Variants in UVRAG observed in about 807,000 individuals in gnomAD.
UVRAG encodes the protein UV radiation resistance-associated gene protein.
UVRAG carries 19 observed loss-of-function variants against 78.0 expected under a neutral mutation model. The observed-to-expected ratio is 0.24, with a 90% CI of 0.17 to 0.36. UVRAG has a LOEUF of 0.36. Among genes scored for constraint, UVRAG ranks in the 10% least tolerant of loss-of-function variants. The probability of loss-of-function intolerance (pLI) is 1.00; values close to 1 mark genes in which losing one functional copy is unlikely to be tolerated. For missense variants in UVRAG, 740 were observed against 853.8 expected, an observed-to-expected ratio of 0.87 and a Z score of 1.66; for synonymous variants, 323 against 324.6, an observed-to-expected ratio of 1.00 and a Z score of 0.05.
intron 7 of UVRAG, among the ~76,000 whole-genome samples, chr11:75,980,343 A>G (rs1431070014): frequency 6.6e-6 from 1 of 151,754 alleles, no homozygotes; most frequent in Non-Finnish European, 1.5e-5. Flanking sequence ...GTTATTTTTT[A>G]TTTTTATGGA....
At chr11:76,034,745 C>T (rs1950500290) in intron 12 of UVRAG, among the ~76,000 whole-genome samples, 1 of 152,070 alleles carries the variant, frequency 6.6e-6, no homozygotes, top group East Asian at 1.9e-4. Flanking sequence ...ATTTTGAGTG[C>T]TATTCATTTA....
At chr11:76,016,777 A>G (rs765187001) in intron 11 of UVRAG, 38 bp from the exon 12 acceptor site, 21 of 1,535,228 alleles carry the variant, frequency 1.4e-5, no homozygotes, top group Non-Finnish European at 1.7e-5. Flanking sequence ...TTATAAGGTA[A>G]ATAGTTATTT....
chr11:75,858,337 C>G (rs1354789189), intron 2 of UVRAG, among the ~76,000 whole-genome samples: 1 of 152,160 alleles, frequency 6.6e-6, no homozygotes, highest in East Asian at 1.9e-4. Flanking sequence ...ATTCCTTTCT[C>G]TCCTCTTTTT....
intron 12 of UVRAG, among the ~76,000 whole-genome samples, chr11:76,063,402 T>C (rs540197054): frequency 1.2e-4 from 19 of 152,330 alleles, no homozygotes; most frequent in South Asian, 1.2e-3. Context: ...TCTGCAGTTC[T>C]CCCCACTAAC....
At chr11:75,956,805 G>T (rs946808157) in intron 6 of UVRAG, among the ~76,000 whole-genome samples, 6 of 152,072 alleles carry the variant, frequency 3.9e-5, no homozygotes, top group African/African-American at 1.4e-4. Flanking sequence ...ACCTCATTAT[G>T]ATTTTAATAT....
chr11:76,063,894 A>G (rs865838432), intron 12 of UVRAG, among the ~76,000 whole-genome samples: 1 of 152,224 alleles, frequency 6.6e-6, no homozygotes, highest in Non-Finnish European at 1.5e-5. Flanking sequence ...TAGATCTATA[A>G]ATACATGTAC....
intron 5 of UVRAG, among the ~76,000 whole-genome samples, chr11:75,910,221 ATAACTTT>A (rs1287442285): frequency 2.0e-5 from 3 of 152,234 alleles, no homozygotes; most frequent in Non-Finnish European, 4.4e-5. Flanking sequence ...CTGTAGTGAT[ATAACTTT>A]TAATGATACT....
chr11:75,879,784 T>C, intron 3 of UVRAG, 95 bp from the exon 4 acceptor site: 2 of 1,513,472 alleles, frequency 1.3e-6, no homozygotes, highest in South Asian at 1.3e-5. Context: ...TTATGAGGTC[T>C]TTTGGTTTTG....
chr11:75,984,561 C>G (rs1392978056), intron 8 of UVRAG, among the ~76,000 whole-genome samples: 1 of 152,052 alleles, frequency 6.6e-6, no homozygotes, highest in African/African-American at 2.4e-5. Flanking sequence ...AAGTTGTGTC[C>G]ACAGAGCTTG....
intron 6 of UVRAG, among the ~76,000 whole-genome samples, chr11:75,949,350 G>C (rs1420673556): frequency 6.6e-6 from 1 of 151,926 alleles, no homozygotes; most frequent in Non-Finnish European, 1.5e-5. Flanking sequence ...TCTGGATTCT[G>C]TTCTAGGTTC....
chr11:76,034,489 C>T (rs1442224579), intron 12 of UVRAG, among the ~76,000 whole-genome samples: 3 of 152,028 alleles, frequency 2.0e-5, no homozygotes, highest in African/African-American at 4.8e-5. Flanking sequence ...GTGAGCTACC[C>T]GCACCTGGCC....
chr11:76,032,503 G>GCCAA (rs1202334733), intron 12 of UVRAG, among the ~76,000 whole-genome samples: 1 of 152,178 alleles, frequency 6.6e-6, no homozygotes, highest in Admixed American at 6.5e-5. Context: ...TCGCAAGAAA[G>GCCAA]CCAACCATGT....
At chr11:76,057,564 G>T (rs2134363975) in intron 12 of UVRAG, among the ~76,000 whole-genome samples, 1 of 152,302 alleles carries the variant, frequency 6.6e-6, no homozygotes, top group African/African-American at 2.4e-5. Flanking sequence ...CATGGAAACA[G>T]ATGCTGAAAT....
intron 3 of UVRAG, among the ~76,000 whole-genome samples, chr11:75,873,716 G>T (rs1353731793): frequency 6.6e-6 from 1 of 152,092 alleles, no homozygotes; most frequent in African/African-American, 2.4e-5. Flanking sequence ...TATGTTGTAC[G>T]CAGCTTGCTT....
At chr11:76,125,875 T>C (rs941805248) in intron 14 of UVRAG, among the ~76,000 whole-genome samples, 1 of 152,156 alleles carries the variant, frequency 6.6e-6, no homozygotes, top group African/African-American at 2.4e-5. Flanking sequence ...ATTCAGATCT[T>C]ACCATCTGTA....
rs568575124 is a variant in UVRAG, at chr11:76,144,057, T to C, written c.*2644T>C. 2.0e-5 allele frequency among the ~76,000 whole-genome samples: 3 copies of C among 152,362 alleles called. No homozygotes were observed. In the East Asian group the frequency reaches 5.8e-4, roughly 29 times the overall value. ...TCAGAATATTAGTTTTGGAAGATTG[T>C]GCCCAGCTATATATTTTTTAGCAGT... is the stretch of plus-strand genomic sequence containing the variant. On this transcript the variant is annotated 3_prime_UTR_variant, in exon 15 of 15. Coordinates refer to ENST00000356136, the MANE Select transcript of UVRAG (RefSeq NM_003369.4).
chr11:76,091,193 AT>A (rs1447354358), intron 13 of UVRAG, among the ~76,000 whole-genome samples: 1 of 152,178 alleles, frequency 6.6e-6, no homozygotes, highest in African/African-American at 2.4e-5. Context: ...GTTCTATTAT[AT>A]TTTAGCTTCC....
chr11:75,938,416 G>A (rs1233881475), intron 6 of UVRAG, among the ~76,000 whole-genome samples: 1 of 152,108 alleles, frequency 6.6e-6, no homozygotes, highest in Non-Finnish European at 1.5e-5. Context: ...TTAATTGGAT[G>A]TCAGGCATTG....
At chr11:75,882,429 C>G (rs1427496474) in intron 4 of UVRAG, among the ~76,000 whole-genome samples, 1 of 151,674 alleles carries the variant, frequency 6.6e-6, no homozygotes, top group Non-Finnish European at 1.5e-5. Flanking sequence ...GGGAGAATTG[C>G]TTGAACCGGG....
Sources: allele counts gnomAD v4.1 joint callset (sites outside exome capture counted in the v4.1 genomes callset), GRCh38; gene constraint gnomAD v4.1.1; transcripts MANE v1.5; gene names NCBI Gene and HGNC (gene_info 2026-07-23, HGNC 2026-07-21).